The following SAMD12 variants were observed in gnomAD, a reference collection of about 807,000 sequenced individuals.
SAMD12 encodes the protein sterile alpha motif domain containing 12.
A neutral mutation model predicts 15.0 loss-of-function variants in SAMD12; 9 were observed. The observed-to-expected ratio is 0.60, with a 90% CI of 0.36 to 1.05. The LOEUF (loss-of-function observed/expected upper bound fraction) is 1.05. SAMD12 is among the 50% of genes least tolerant of loss of function. SAMD12 has a pLI of 0.01. For synonymous variants in SAMD12, 86 were observed against 90.1 expected (o/e 0.96, Z 0.25); for missense variants, 230 against 234.2 (o/e 0.98, Z 0.12).
intron 4 of SAMD12, among the ~76,000 whole-genome samples, chr8:118,255,659 C>T: frequency 6.6e-6 from 1 of 151,562 alleles, no homozygotes; most frequent in African/African-American, 2.4e-5. Flanking sequence ...CCAATTTCAT[C>T]CATGTCCCTA....
chr8:118,433,687 T>G (rs909292971), intron 3 of SAMD12, among the ~76,000 whole-genome samples: 1 of 152,152 alleles, frequency 6.6e-6, no homozygotes, highest in Non-Finnish European at 1.5e-5. Context: ...ATCAGAAACT[T>G]TACTATGTAA....
At chr8:118,132,972 G>GTGTGTGTATGTATATA in the SAMD12 span, among the ~76,000 whole-genome samples, 1 of 48,252 alleles carries the variant, frequency 2.1e-5, no homozygotes, top group African/African-American at 7.2e-5. Context: ...GTGTGTGTGT[G>GTGTGTGTATGTATATA]TATATATATA....
chr8:118,187,039 A>G (rs1668233071), downstream of SAMD12, among the ~76,000 whole-genome samples: 2 of 152,202 alleles, frequency 1.3e-5, no homozygotes, highest in South Asian at 4.1e-4. Context: ...TCCTGCAGAC[A>G]CTGGGCCATG....
chr8:118,569,411 T>C (rs1826943266), intron 2 of SAMD12, among the ~76,000 whole-genome samples: 1 of 152,086 alleles, frequency 6.6e-6, no homozygotes, highest in African/African-American at 2.4e-5. Flanking sequence ...AATATGCAAA[T>C]ATTCCAAAAT....
chr8:118,170,668 C>CA, the SAMD12 span, among the ~76,000 whole-genome samples: 1 of 151,926 alleles, frequency 6.6e-6, no homozygotes, highest in Non-Finnish European at 1.5e-5. Context: ...AAATCATACA[C>CA]AAAAATTAAC....
At chr8:118,614,784 C>T (rs1828200658) in intron 1 of SAMD12, among the ~76,000 whole-genome samples, 1 of 152,364 alleles carries the variant, frequency 6.6e-6, no homozygotes, top group East Asian at 1.9e-4. Flanking sequence ...CTGTCCTGCT[C>T]TTCACGCGGG....
At chr8:118,471,369 G>A (rs72678131) in intron 2 of SAMD12, among the ~76,000 whole-genome samples, 6,551 of 152,242 alleles carry the variant, frequency 0.043, 202 homozygotes, top group Non-Finnish European at 0.065. Context: ...TGGTGAGGGG[G>A]AAGGTTAGCA....
intron 2 of SAMD12, among the ~76,000 whole-genome samples, chr8:118,503,283 G>A (rs188048690): frequency 1.3e-5 from 2 of 152,190 alleles, no homozygotes; most frequent in Non-Finnish European, 2.9e-5. Flanking sequence ...ACTAGAAAAT[G>A]AGCTCTCCTA....
rs186082306 is a variant in SAMD12 at position 118,392,324 on chromosome 8, G to A, written c.323-12624C>T. 7.2e-5 allele frequency among the ~76,000 whole-genome samples: 11 copies of A among 152,300 alleles called. 1 individual carries two copies. Among genetic ancestry groups the A allele is most frequent in the South Asian group, 2.1e-4 (1 of 4,830 alleles). ...TGCACGCCTGTAGTCCCAGCTACTC[G>A]GGAGGCCGAGGCAGGAGAATCACTT... On this transcript the variant is annotated intron_variant, in intron 3 of 3. Coordinates refer to ENST00000314727, the MANE Select transcript of SAMD12 (RefSeq NM_207506.3).
chr8:118,361,120 T>C (rs1008443058), intron 4 of SAMD12, among the ~76,000 whole-genome samples: 7 of 152,196 alleles, frequency 4.6e-5, no homozygotes, highest in African/African-American at 1.7e-4. Flanking sequence ...TTGTAAATAC[T>C]CTCCCTGATT....
intron 1 of SAMD12, among the ~76,000 whole-genome samples, chr8:118,597,477 A>T (rs1827752719): frequency 6.6e-6 from 1 of 152,252 alleles, no homozygotes; most frequent in Non-Finnish European, 1.5e-5. Context: ...CTTCAAACAC[A>T]TGACCTAGAC....
At chr8:118,533,015 T>C (rs1825732905) in intron 2 of SAMD12, among the ~76,000 whole-genome samples, 1 of 152,216 alleles carries the variant, frequency 6.6e-6, no homozygotes, top group South Asian at 2.1e-4. Context: ...TCTCTAGTTC[T>C]TTTAATTGTG....
chr8:118,530,478 C>T (rs1251160696), intron 2 of SAMD12, among the ~76,000 whole-genome samples: 2 of 152,094 alleles, frequency 1.3e-5, no homozygotes, highest in Admixed American at 1.3e-4. Context: ...ATTTGGTTTT[C>T]TGTTATTGTA....
At chr8:118,562,630 T>C (rs1286811172) in intron 2 of SAMD12, among the ~76,000 whole-genome samples, 2 of 152,178 alleles carry the variant, frequency 1.3e-5, no homozygotes, top group Non-Finnish European at 2.9e-5. Context: ...TAACTTATTG[T>C]TGACTTTACG....
At chr8:118,251,284 C>T (rs932878961) in intron 4 of SAMD12, among the ~76,000 whole-genome samples, 8 of 152,066 alleles carry the variant, frequency 5.3e-5, no homozygotes, top group Admixed American at 6.6e-5. Context: ...GTTGTAAAAC[C>T]GGGCAGCTAA....
intron 3 of SAMD12, among the ~76,000 whole-genome samples, chr8:118,387,939 A>G (rs956698407): frequency 6.6e-6 from 1 of 152,206 alleles, no homozygotes; most frequent in Non-Finnish European, 1.5e-5. Context: ...ACAGATTCAT[A>G]GACTGTATGT....
intron 4 of SAMD12, among the ~76,000 whole-genome samples, chr8:118,202,074 T>C (rs1819730626): frequency 6.6e-6 from 1 of 152,216 alleles, no homozygotes; most frequent in Non-Finnish European, 1.5e-5. Context: ...GCTCATTTTC[T>C]TCACCTTTAA....
chr8:118,315,601 G>A (rs559225587), intron 4 of SAMD12, among the ~76,000 whole-genome samples: 2 of 152,286 alleles, frequency 1.3e-5, no homozygotes, highest in South Asian at 4.1e-4. Flanking sequence ...CTCATATGTG[G>A]TTCCTTGAGG....
chr8:118,430,667 C>T (rs890322786), intron 3 of SAMD12, among the ~76,000 whole-genome samples: 5 of 152,028 alleles, frequency 3.3e-5, no homozygotes, highest in African/African-American at 9.7e-5. Flanking sequence ...GACTAATTGC[C>T]GTCTTTATTC....
Sources: allele counts gnomAD v4.1 joint callset (sites outside exome capture counted in the v4.1 genomes callset), GRCh38; gene constraint gnomAD v4.1.1; transcripts MANE v1.5; gene names NCBI Gene and HGNC (gene_info 2026-07-23, HGNC 2026-07-21).